SWT1: variants seen among roughly 807,000 people sequenced by gnomAD.
SWT1 encodes the protein SWT1 RNA endoribonuclease homolog, also known as transcriptional protein SWT1.
SWT1 carries 33 observed loss-of-function variants against 107.3 expected under a neutral mutation model. The observed-to-expected ratio is 0.31, with a 90% confidence interval of 0.23 to 0.41. The LOEUF (loss-of-function observed/expected upper bound fraction) is 0.41. Ranked by LOEUF, SWT1 falls within the 10% of genes least tolerant of loss-of-function variation. SWT1 has a pLI of 1.00. For missense variants in SWT1, 898 were observed against 1,028.9 expected (o/e 0.87, Z 1.74); for synonymous variants, 345 against 348.3 (o/e 0.99, Z 0.11).
intron 4 of SWT1, 25 bp downstream of exon 4, chr1:185,168,423 C>T (rs770298828): frequency 1.5e-6 from 2 of 1,350,218 alleles, no homozygotes; most frequent in African/African-American, 3.1e-5. Flanking sequence ...TTTCTTTTTA[C>T]TGTTTTGGTT....
chr1:185,282,488 T>A (rs1041922509), intron 18 of SWT1, among the ~76,000 whole-genome samples: 2 of 151,538 alleles, frequency 1.3e-5, no homozygotes, highest in African/African-American at 4.8e-5. Flanking sequence ...TCCAGCCCCT[T>A]CCAACATATG....
intron 7 of SWT1, 57 bp downstream of exon 7, chr1:185,182,114 C>T: frequency 6.7e-7 from 1 of 1,501,766 alleles, no homozygotes; most frequent in Admixed American, 1.9e-5. Context: ...AATTAATGTG[C>T]CAATATTCAA....
At chr1:185,199,002 A>T (rs962336454) in intron 10 of SWT1, among the ~76,000 whole-genome samples, 1 of 148,238 alleles carries the variant, frequency 6.7e-6, no homozygotes, top group Non-Finnish European at 1.5e-5. Flanking sequence ...CAGTGGTGAG[A>T]TCTCAGCTCA....
intron 16 of SWT1, among the ~76,000 whole-genome samples, chr1:185,259,877 C>T (rs1241972970): frequency 6.6e-6 from 1 of 152,140 alleles, no homozygotes; most frequent in Admixed American, 6.5e-5. Context: ...ACTTACATTA[C>T]ATTCATATTT....
intron 12 of SWT1, among the ~76,000 whole-genome samples, chr1:185,205,277 A>T (rs1448147132): frequency 1.3e-5 from 2 of 152,214 alleles, no homozygotes; most frequent in African/African-American, 4.8e-5. Context: ...AGTTGATTGT[A>T]TTAGTAAGAT....
intron 16 of SWT1, among the ~76,000 whole-genome samples, chr1:185,241,852 GAAT>G (rs1248491027): frequency 6.6e-6 from 1 of 152,116 alleles, no homozygotes; most frequent in Non-Finnish European, 1.5e-5. Context: ...AAAGGTTAAA[GAAT>G]AAGAAAATCA....
intron 15 of SWT1, among the ~76,000 whole-genome samples, chr1:185,231,051 G>C (rs558117350): frequency 1.3e-5 from 2 of 152,246 alleles, no homozygotes; most frequent in African/African-American, 4.8e-5. Context: ...GCCCAGCCTA[G>C]TTTGGTATTT....
At chr1:185,239,621 T>C (rs1035432303) in intron 16 of SWT1, among the ~76,000 whole-genome samples, 1 of 152,116 alleles carries the variant, frequency 6.6e-6, no homozygotes, top group Non-Finnish European at 1.5e-5. Context: ...ATCTTTTCTT[T>C]TATATGTATA....
chr1:185,206,862 A>C, intron 13 of SWT1, 99 bp downstream of exon 13: 4 of 882,950 alleles, frequency 4.5e-6, no homozygotes, highest in Non-Finnish European at 6.5e-6. Flanking sequence ...AGAATTTGTT[A>C]ATTAGTTCTT....
rs1055666891 is a variant in SWT1, at chr1:185,258,542, G to A, written c.2442-12781G>A. ...ATCTTTTAATGGTAAATATACTGAC[G>A]TGTTTTTATTTTGCTTTCATTCTTG... On this transcript the variant is annotated intron_variant, in intron 16 of 18. Coordinates refer to ENST00000367500, the MANE Select transcript of SWT1 (RefSeq NM_017673.7). Among the ~76,000 whole-genome samples the A allele has an allele frequency of 1.1e-4, 17 of 151,848 alleles. No individual in the cohort carries two copies. In the South Asian group the frequency reaches 2.5e-3, roughly 22 times the overall value.
intron 15 of SWT1, chr1:185,227,677 C>G (rs1660176362): frequency 1.6e-6 from 1 of 613,424 alleles, no homozygotes; most frequent in African/African-American, 1.9e-5. Context: ...AGGCCTTATT[C>G]TTAACAACTT....
At chr1:185,284,099 C>G (rs113411419) in intron 18 of SWT1, among the ~76,000 whole-genome samples, 1 of 152,190 alleles carries the variant, frequency 6.6e-6, no homozygotes, top group Non-Finnish European at 1.5e-5. Flanking sequence ...TCATCTTGGA[C>G]AACACTTGTT....
chr1:185,284,888 T>A (rs1193576411), intron 18 of SWT1, among the ~76,000 whole-genome samples: 1 of 151,434 alleles, frequency 6.6e-6, no homozygotes, highest in East Asian at 1.9e-4. Flanking sequence ...CAGATAAGTG[T>A]CTTTTTTTTT....
At chr1:185,223,895 C>T (rs10911691) in intron 15 of SWT1, among the ~76,000 whole-genome samples, 1,945 of 152,192 alleles carry the variant, frequency 0.013, 42 homozygotes, top group African/African-American at 0.044. Context: ...TGAGCACAAG[C>T]GGTATTTGGT....
intron 16 of SWT1, among the ~76,000 whole-genome samples, chr1:185,251,924 C>G (rs1421310765): frequency 6.6e-6 from 1 of 152,066 alleles, no homozygotes; most frequent in East Asian, 1.9e-4. Context: ...AGGTATATCT[C>G]CCAATGCTAT....
intron 6 of SWT1, 76 bp downstream of exon 6, chr1:185,180,526 C>T: frequency 2.0e-6 from 2 of 1,010,936 alleles, no homozygotes; most frequent in Non-Finnish European, 3.1e-6. Context: ...AAAATAATGA[C>T]TGTAGAAACC....
chr1:185,174,386 T>C lies in SWT1; in HGVS notation c.239T>C (p.Ile80Thr), dbSNP rs1449737581. 6.4e-7 allele frequency: 1 copy of C among 1,550,816 alleles called. No homozygotes were observed. ...RQGLKRLSVE[I>T]DTLRRRPKIG... is the part of the protein sequence containing the mutation. ...CTGTTTTACAGATTGAGTGTAGAAA[T>C]TGACACTCTCAGAAGGAGACCAAAA... The change falls in exon 5 of 19, where the codon ATT becomes ACT. Residue 80 changes from isoleucine to threonine, a missense_variant. Ile to Thr is a moderately conservative substitution (Grantham distance 89). Transcript: ENST00000367500.
chr1:185,216,373 G>A (rs911970638), intron 14 of SWT1, among the ~76,000 whole-genome samples: 1 of 151,966 alleles, frequency 6.6e-6, no homozygotes, highest in Non-Finnish European at 1.5e-5. Flanking sequence ...CTCCTTTCCC[G>A]TCACAAAATT....
intron 16 of SWT1, among the ~76,000 whole-genome samples, chr1:185,251,099 T>C (rs1661983096): frequency 6.6e-6 from 1 of 152,320 alleles, no homozygotes; most frequent in South Asian, 2.1e-4. Flanking sequence ...TTCCTAATGG[T>C]GGTGTGCATG....
Sources: gnomAD v4.1 joint callset for allele counts (sites outside exome capture counted in the v4.1 genomes callset) on GRCh38, gnomAD v4.1.1 for gene constraint, MANE v1.5 for transcripts, NCBI Gene and HGNC (gene_info 2026-07-23, HGNC 2026-07-21) for gene names.